The following ZFAND3 variants were observed in gnomAD, a reference collection of about 807,000 sequenced individuals.
ZFAND3 encodes AN1-type zinc finger protein 3.
ZFAND3 carries 10 observed loss-of-function variants against 29.6 expected under a neutral mutation model. The observed-to-expected ratio is 0.34, with a 90% CI of 0.21 to 0.57. ZFAND3 has a LOEUF of 0.57. ZFAND3 is among the 20% of genes least tolerant of loss of function. The pLI is 0.86. For synonymous variants in ZFAND3, 128 were observed against 112.6 expected (o/e 1.14, Z -0.87); for missense variants, 230 against 304.5 (o/e 0.76, Z 1.82).
At chr6:38,088,872 A>G (rs1764808285) in intron 4 of ZFAND3, among the ~76,000 whole-genome samples, 1 of 152,208 alleles carries the variant, frequency 6.6e-6, no homozygotes, top group South Asian at 2.1e-4. Context: ...ATTAAAGCAG[A>G]TGAGACTAAG....
intron 2 of ZFAND3, among the ~76,000 whole-genome samples, chr6:37,945,369 A>G (rs1039459052): frequency 6.6e-6 from 1 of 152,156 alleles, no homozygotes; most frequent in African/African-American, 2.4e-5. Flanking sequence ...ATTTTGGACA[A>G]TGGGAAATTT....
chr6:37,919,406 T>A (rs1250648299), intron 1 of ZFAND3, among the ~76,000 whole-genome samples: 1 of 152,244 alleles, frequency 6.6e-6, no homozygotes, highest in Non-Finnish European at 1.5e-5. Context: ...ATTTAAATTC[T>A]CCATGTCTGC....
intron 4 of ZFAND3, among the ~76,000 whole-genome samples, chr6:38,112,215 C>T (rs560057033): frequency 3.0e-4 from 45 of 152,188 alleles, no homozygotes; most frequent in Non-Finnish European, 5.6e-4. Context: ...GAGTTGTGAA[C>T]GTGGAATGGG....
chr6:37,886,469 T>G (rs1213298783), intron 1 of ZFAND3, among the ~76,000 whole-genome samples: 1 of 152,132 alleles, frequency 6.6e-6, no homozygotes, highest in African/African-American at 2.4e-5. Flanking sequence ...CCTTGTTGGT[T>G]TGAAAGGCTG....
intron 2 of ZFAND3, among the ~76,000 whole-genome samples, chr6:38,041,685 CTCCTTCTCCTT>C (rs1561976794): frequency 5.3e-4 from 11 of 20,782 alleles, no homozygotes; most frequent in African/African-American, 1.6e-3. Flanking sequence ...TCTTCTTCTT[CTCCTTCTCCTT>C]CTCCTCCTCC....
At chr6:37,886,005 A>G (rs1764982696) in intron 1 of ZFAND3, among the ~76,000 whole-genome samples, 1 of 151,912 alleles carries the variant, frequency 6.6e-6, no homozygotes, top group Admixed American at 6.5e-5. Flanking sequence ...TGGGAAGCTG[A>G]GGTGGGTGGA....
chr6:38,125,927 T>A (rs1308588080), intron 5 of ZFAND3, among the ~76,000 whole-genome samples: 1 of 152,202 alleles, frequency 6.6e-6, no homozygotes, highest in Non-Finnish European at 1.5e-5. Context: ...AGACCCTGAT[T>A]TTTTAGTTCT....
chr6:37,933,682 C>G (rs2127414016), intron 2 of ZFAND3, among the ~76,000 whole-genome samples: 1 of 152,158 alleles, frequency 6.6e-6, no homozygotes, highest in South Asian at 2.1e-4. Context: ...GGAAGAGGGC[C>G]CAACCTGGCT....
At chr6:38,125,245 A>C (rs1303905801) in intron 5 of ZFAND3, among the ~76,000 whole-genome samples, 2 of 152,228 alleles carry the variant, frequency 1.3e-5, no homozygotes, top group Non-Finnish European at 2.9e-5. Context: ...TAAGTGTTCC[A>C]GTCTAAAACC....
At chr6:38,008,228 A>G (rs114520167) in intron 2 of ZFAND3, among the ~76,000 whole-genome samples, 305 of 152,336 alleles carry the variant, frequency 2.0e-3, no homozygotes, top group African/African-American at 7.1e-3. Flanking sequence ...TAGCCTTAAA[A>G]AAAGGTAGTA....
chr6:38,055,939 AT>A (rs1049863983), intron 2 of ZFAND3, among the ~76,000 whole-genome samples: 4 of 152,182 alleles, frequency 2.6e-5, no homozygotes, highest in African/African-American at 9.7e-5. Flanking sequence ...ATTGAGAACC[AT>A]TTTTTGTCCT....
intron 1 of ZFAND3, among the ~76,000 whole-genome samples, chr6:37,843,267 C>T (rs769379498): frequency 1.2e-4 from 18 of 152,146 alleles, no homozygotes; most frequent in South Asian, 2.1e-4. Context: ...AGGTGGATCA[C>T]GAGGTAAGGA....
At chr6:37,840,161 G>C (rs959124352) in intron 1 of ZFAND3, among the ~76,000 whole-genome samples, 1 of 151,756 alleles carries the variant, frequency 6.6e-6, no homozygotes, top group Admixed American at 6.6e-5. Flanking sequence ...GCAGTGGCGC[G>C]ATCTCGGCTC....
chr6:38,144,419 C>T (rs1436760139), intron 5 of ZFAND3, among the ~76,000 whole-genome samples: 1 of 151,856 alleles, frequency 6.6e-6, no homozygotes, highest in African/African-American at 2.4e-5. Context: ...CTTCTGTCTG[C>T]TGGAGCTCAT....
At chr6:38,120,056 T>TA (rs1765499841) in intron 5 of ZFAND3, among the ~76,000 whole-genome samples, 1 of 152,218 alleles carries the variant, frequency 6.6e-6, no homozygotes, top group Non-Finnish European at 1.5e-5. Context: ...GCTGGGATTA[T>TA]ATCCTGCATC....
At chr6:38,034,817 A>G (rs1763627276) in intron 2 of ZFAND3, among the ~76,000 whole-genome samples, 1 of 152,140 alleles carries the variant, frequency 6.6e-6, no homozygotes, top group Non-Finnish European at 1.5e-5. Context: ...TTTGATTAAT[A>G]CTTCAAATTT....
chr6:38,150,581 CT>C (rs1236095922), intron 5 of ZFAND3, among the ~76,000 whole-genome samples: 2 of 152,354 alleles, frequency 1.3e-5, no homozygotes, highest in East Asian at 3.9e-4. Context: ...GCTATTGAAT[CT>C]TAACCTTAAA....
At chr6:38,066,250 GGGAGATAAA>G (rs1173830743) in intron 3 of ZFAND3, among the ~76,000 whole-genome samples, 1 of 152,144 alleles carries the variant, frequency 6.6e-6, no homozygotes, top group African/African-American at 2.4e-5. Context: ...AAAAATCAAT[GGGAGATAAA>G]GTGATTGCCT....
At chr6:37,949,236 G>A (rs190642879) in intron 2 of ZFAND3, among the ~76,000 whole-genome samples, 2 of 152,036 alleles carry the variant, frequency 1.3e-5, no homozygotes, top group African/African-American at 4.8e-5. Flanking sequence ...TTTCATGTTT[G>A]TTGGCCACAT....
Sources: gnomAD v4.1 joint callset for allele counts (sites outside exome capture counted in the v4.1 genomes callset) on GRCh38, gnomAD v4.1.1 for gene constraint, MANE v1.5 for transcripts, NCBI Gene and HGNC (gene_info 2026-07-23, HGNC 2026-07-21) for gene names.